Variants in EPM2A observed in about 807,000 individuals in gnomAD.
EPM2A encodes laforin.
A neutral mutation model predicts 26.5 loss-of-function variants in EPM2A; 21 were observed. The observed-to-expected ratio is 0.79, with a 90% CI of 0.56 to 1.14. EPM2A has a LOEUF of 1.14. Ranked by LOEUF, EPM2A falls within the 50% of genes most tolerant of loss-of-function variation. EPM2A has a pLI of 0.00. For missense variants in EPM2A, 458 were observed against 440.8 expected (o/e 1.04, Z -0.35); for synonymous variants, 217 against 177.6 (o/e 1.22, Z -1.76).
At chr6:145,540,300 T>C (rs1167299597) in intron 2 of EPM2A, among the ~76,000 whole-genome samples, 2 of 152,208 alleles carry the variant, frequency 1.3e-5, no homozygotes, top group South Asian at 2.1e-4. Context: ...AAAGAATACA[T>C]TGGAAGTTAC....
At chr6:145,505,420 T>C (rs191242600) in intron 2 of EPM2A, among the ~76,000 whole-genome samples, 25 of 152,074 alleles carry the variant, frequency 1.6e-4, no homozygotes, top group African/African-American at 5.6e-4. Context: ...TATGTATGTA[T>C]ATATACGTAC....
At chr6:145,569,911 C>A (rs1394786305) in intron 2 of EPM2A, among the ~76,000 whole-genome samples, 1 of 151,996 alleles carries the variant, frequency 6.6e-6, no homozygotes, top group Non-Finnish European at 1.5e-5. Flanking sequence ...CACAAGGTCC[C>A]ACAATAGGCT....
chr6:145,450,643 C>T (rs1779185043), intron 4 of EPM2A, among the ~76,000 whole-genome samples: 1 of 152,116 alleles, frequency 6.6e-6, no homozygotes, highest in Non-Finnish European at 1.5e-5. Flanking sequence ...CTCATTTTCC[C>T]TTTACAGTCC....
chr6:145,413,158 A>G (rs1778665553), intron 4 of EPM2A, among the ~76,000 whole-genome samples: 1 of 152,234 alleles, frequency 6.6e-6, no homozygotes, highest in South Asian at 2.1e-4. Flanking sequence ...AGGTGACTAC[A>G]TTGAATCAGT....
At chr6:145,421,695 A>C (rs1778785420) in intron 4 of EPM2A, among the ~76,000 whole-genome samples, 1 of 151,992 alleles carries the variant, frequency 6.6e-6, no homozygotes, top group African/African-American at 2.4e-5. Flanking sequence ...ATAAATATAA[A>C]CAGACTAGCT....
chr6:145,452,874 G>A (rs1218075597), intron 4 of EPM2A, among the ~76,000 whole-genome samples: 25 of 152,186 alleles, frequency 1.6e-4, no homozygotes. Flanking sequence ...TGGGATATGG[G>A]GAATCTCCTG....
chr6:145,653,500 A>C (rs1406767670), intron 2 of EPM2A, among the ~76,000 whole-genome samples: 2 of 152,206 alleles, frequency 1.3e-5, no homozygotes, highest in African/African-American at 4.8e-5. Flanking sequence ...GCAGTGTGAG[A>C]ATGGACTAAT....
At chr6:145,584,618 G>T (rs551586877) in intron 2 of EPM2A, among the ~76,000 whole-genome samples, 5 of 152,186 alleles carry the variant, frequency 3.3e-5, no homozygotes, top group African/African-American at 1.2e-4. Flanking sequence ...TGTCCCTGGG[G>T]GTCATGGGTT....
Position 145,657,078 on chromosome 6 carries a change from C to T in EPM2A, c.477-21592G>A, listed in dbSNP as rs188497385. ...ATTATAATAAGGAAAAAAATAAGCC[C>T]GTCATTTTTCCTTTTTTTTTTTTTT... On this transcript the variant is annotated intron_variant, in intron 2 of 3. Transcript: ENST00000367519. 2.5e-3 allele frequency among the ~76,000 whole-genome samples: 357 copies of T among 144,902 alleles called. 2 individuals are homozygous for T. The highest frequency in any genetic ancestry group is 8.1e-3 in the African/African-American group (323 of 39,944).
chr6:145,419,851 A>G (rs1490251904), intron 4 of EPM2A, among the ~76,000 whole-genome samples: 1 of 152,206 alleles, frequency 6.6e-6, no homozygotes. Context: ...GAATGATACA[A>G]ATAATAGTTT....
chr6:145,562,224 G>A (rs1185264755), intron 2 of EPM2A, among the ~76,000 whole-genome samples: 1 of 150,156 alleles, frequency 6.7e-6, no homozygotes, highest in Non-Finnish European at 1.5e-5. Flanking sequence ...TCAGTTTTTT[G>A]TAATGAGAAC....
At chr6:145,597,492 T>C (rs953175656) in intron 2 of EPM2A, among the ~76,000 whole-genome samples, 1 of 151,872 alleles carries the variant, frequency 6.6e-6, no homozygotes, top group Non-Finnish European at 1.5e-5. Flanking sequence ...TTTTGGTAAG[T>C]TTTACACTAT....
At chr6:145,617,922 G>A (rs1251007002) in intron 2 of EPM2A, among the ~76,000 whole-genome samples, 1 of 152,148 alleles carries the variant, frequency 6.6e-6, no homozygotes, top group African/African-American at 2.4e-5. Context: ...CAACCTGGAT[G>A]ACAAAGCAAG....
At chr6:145,467,032 T>C (rs1779407475) in intron 4 of EPM2A, among the ~76,000 whole-genome samples, 1 of 152,080 alleles carries the variant, frequency 6.6e-6, no homozygotes, top group Non-Finnish European at 1.5e-5. Context: ...CTGGGAGATA[T>C]ACCTAATGCT....
intron 2 of EPM2A, among the ~76,000 whole-genome samples, chr6:145,589,669 T>C (rs1781242692): frequency 6.6e-6 from 1 of 152,066 alleles, no homozygotes; most frequent in African/African-American, 2.4e-5. Context: ...AGTGTATGAA[T>C]GAAAAGATTA....
chr6:145,542,297 C>A (rs1780523620), intron 2 of EPM2A, among the ~76,000 whole-genome samples: 1 of 152,176 alleles, frequency 6.6e-6, no homozygotes, highest in Admixed American at 6.5e-5. Context: ...ATCTCTTCTT[C>A]CTCTTCAAAA....
intron 1 of EPM2A, among the ~76,000 whole-genome samples, chr6:145,725,040 G>C (rs878887177): frequency 6.6e-6 from 1 of 151,812 alleles, no homozygotes; most frequent in Non-Finnish European, 1.5e-5. Flanking sequence ...TAAAAAATAA[G>C]TCACACACTG....
At chr6:145,387,095 G>A (rs770010878) in intron 4 of EPM2A, among the ~76,000 whole-genome samples, 5 of 152,100 alleles carry the variant, frequency 3.3e-5, no homozygotes, top group Non-Finnish European at 7.4e-5. Flanking sequence ...GATCTCCAAT[G>A]AAGTAACTGT....
chr6:145,393,665 T>A (rs760454571), intron 4 of EPM2A, among the ~76,000 whole-genome samples: 5 of 152,046 alleles, frequency 3.3e-5, no homozygotes, highest in South Asian at 2.1e-4. Context: ...TAACCCCAAC[T>A]CTTTATATGT....
Sources: gnomAD v4.1 joint callset for allele counts (sites outside exome capture counted in the v4.1 genomes callset) on GRCh38, gnomAD v4.1.1 for gene constraint, MANE v1.5 for transcripts, NCBI Gene and HGNC (gene_info 2026-07-23, HGNC 2026-07-21) for gene names.